The following PASD1 variants were observed in gnomAD, a reference collection of about 807,000 sequenced individuals.
PASD1 encodes the protein circadian clock protein PASD1.
In PASD1, 13 loss-of-function variants were observed where a neutral mutation model predicts 58.8. That is an observed-to-expected ratio of 0.22 (90% CI 0.14 to 0.35). PASD1 has a LOEUF of 0.35. PASD1 is among the 10% of genes least tolerant of loss of function. PASD1 has a pLI of 1.00. For synonymous variants in PASD1, 236 were observed against 216.7 expected (o/e 1.09, Z -0.78); for missense variants, 734 against 568.3 (o/e 1.29, Z -2.96).
At chrX:151,627,079 T>C (rs899328070) in intron 8 of PASD1, among the ~76,000 whole-genome samples, 3 of 111,907 alleles carry the variant, frequency 2.7e-5, no homozygotes, top group African/African-American at 6.5e-5. Flanking sequence ...AATTGTGTAA[T>C]TGTGTGTTGA....
chrX:151,671,060 T>A lies in PASD1; in HGVS notation c.1094T>A (p.Val365Asp), dbSNP rs1569417214. The change falls in exon 12 of 16, where the codon GTT becomes GAT. Residue 365 changes from valine (V) to aspartate (D), a missense_variant. Transcript: ENST00000370357. ...CAGCCATTACAGCCATCATCACCAGTTGCATATGACATCATTAGCCAGGAA... is the reference window on the plus strand; with the variant it reads ...CAGCCATTACAGCCATCATCACCAGATGCATATGACATCATTAGCCAGGAA... ...SAQPLQPSSP[V>D]AYDIISQELE... 1 of 1,211,257 alleles carries A rather than the reference T, an allele frequency of 8.3e-7. No individual in the cohort carries two copies. Among genetic ancestry groups the A allele is most frequent in the East Asian group, 3.0e-5 (1 of 33,825 alleles).
At position 151,627,209 on chromosome X, in the gene PASD1, T is replaced by C. The variant is rs2013799738; in HGVS notation, c.629+1679T>C. ...TATTTTTAAATTTTTATTTATTATT[T>C]ATTTATTTATTATACTTTAAGTTTT... On this transcript the variant is annotated intron_variant, in intron 8 of 15. Coordinates refer to ENST00000370357, the MANE Select transcript of PASD1 (RefSeq NM_173493.3). 2.7e-5 allele frequency among the ~76,000 whole-genome samples: 3 copies of C among 111,041 alleles called. 1 individual carries two copies. The South Asian group carries it at 1.1e-3, about 42-fold the overall frequency.
chrX:151,592,828 C>T (rs760173366), intron 1 of PASD1, among the ~76,000 whole-genome samples: 2 of 111,738 alleles, frequency 1.8e-5, no homozygotes, highest in East Asian at 2.8e-4. Flanking sequence ...AGATAATGTA[C>T]GTTCCATAGC....
At chrX:151,612,396 A>T (rs373995876) in intron 4 of PASD1, among the ~76,000 whole-genome samples, 47 of 108,390 alleles carry the variant, frequency 4.3e-4, no homozygotes, top group Middle Eastern at 4.6e-3. Flanking sequence ...CGCCACACTG[A>T]CTTCCACAAT....
intron 9 of PASD1, among the ~76,000 whole-genome samples, chrX:151,653,092 A>G (rs1057237570): frequency 2.7e-5 from 3 of 110,408 alleles, no homozygotes; most frequent in African/African-American, 9.9e-5. Context: ...AGCAGTCCAA[A>G]TGAGAGATGA....
chrX:151,567,030 GT>G (rs1192564755), intron 1 of PASD1, among the ~76,000 whole-genome samples: 1 of 103,878 alleles, frequency 9.6e-6, no homozygotes, highest in African/African-American at 3.5e-5. Context: ...GGCAACAAGA[GT>G]GAAACTCCGT....
At chrX:151,653,788 T>A (rs1038194691) in intron 9 of PASD1, among the ~76,000 whole-genome samples, 1 of 17,796 alleles carries the variant, frequency 5.6e-5, no homozygotes, top group South Asian at 4.1e-3. Flanking sequence ...CTTTCTTTCT[T>A]TCTTTCTTTC....
intron 1 of PASD1, among the ~76,000 whole-genome samples, chrX:151,574,552 A>T (rs759884551): frequency 1.8e-5 from 2 of 112,030 alleles, no homozygotes; most frequent in Non-Finnish European, 3.8e-5. Context: ...GAAAAAAATG[A>T]TGTACTTTGG....
At position 151,673,973 on chromosome X, in the gene PASD1, A is replaced by G. The variant is rs1270164855; in HGVS notation, c.1962A>G (p.Pro654=). The G allele has an allele frequency of 8.3e-7, 1 of 1,208,889 alleles. No individual in the cohort carries two copies. The part of the protein sequence containing the change: ...AYQGPPVNQL[P]LIDTSNSEAI... ...AAGGGCCCCCCGTGAACCAGCTGCC[A>G]TTGATAGATACCTCAAACTCTGAGG... Residue 654 remains proline (P), a synonymous_variant, in exon 15 of 16, where the codon CCA becomes CCG. Transcript: ENST00000370357.
In PASD1 at chrX:151,674,002, TTTC is replaced by T. The variant is rs1237235197; in HGVS notation, c.1998_2000del (p.Ser668del). ...ATAGATACCTCAAACTCTGAGGCAA[TTTC>T]TTCTTCCAGCATTCCTCAGTTTCCC... On this transcript the variant is annotated inframe_deletion, in exon 15 of 16. Coordinates refer to ENST00000370357, the MANE Select transcript of PASD1 (RefSeq NM_173493.3). 1 of 1,210,986 alleles carries T rather than the reference TTTC, an allele frequency of 8.3e-7. No homozygotes were observed. The highest frequency in any genetic ancestry group is 1.1e-6 in the Non-Finnish European group (1 of 894,758).
At chrX:151,666,842 C>T (rs1276405332) in intron 11 of PASD1, among the ~76,000 whole-genome samples, 9 of 106,012 alleles carry the variant, frequency 8.5e-5, no homozygotes, top group Non-Finnish European at 1.7e-4. Flanking sequence ...CCACAATAAA[C>T]ATCCGTGTGC....
chrX:151,591,969 A>G (rs1035984405), intron 1 of PASD1, among the ~76,000 whole-genome samples: 5 of 112,020 alleles, frequency 4.5e-5, no homozygotes, highest in Non-Finnish European at 1.9e-5. Flanking sequence ...CTCTTTTATC[A>G]TAAATCAAAT....
intron 7 of PASD1, 100 bp downstream of exon 7, chrX:151,623,164 A>G (rs2013740377): frequency 1.0e-6 from 1 of 984,681 alleles, no homozygotes. Context: ...CAACATTGCT[A>G]AATTACTCAG....
chrX:151,621,308 G>A (rs1193184936), intron 5 of PASD1, among the ~76,000 whole-genome samples, 174 bp from the exon 6 acceptor site: 2 of 111,265 alleles, frequency 1.8e-5, no homozygotes, highest in African/African-American at 6.5e-5. Context: ...TCTAGCTGGT[G>A]CCCTACTCTA....
At chrX:151,581,845 A>C (rs1461325708) in intron 1 of PASD1, among the ~76,000 whole-genome samples, 3 of 110,633 alleles carry the variant, frequency 2.7e-5, no homozygotes, top group Middle Eastern at 4.7e-3. Flanking sequence ...TCAATTTTGC[A>C]TAGCTCTCAG....
rs774176320 is a variant in PASD1, at chrX:151,578,352, C to G, written c.-28+14513C>G. ...GAAAGTTGTTGTTACCTGTATGATA[C>G]CATTTTATATATATGATCAATGGTA... On this transcript the variant is annotated intron_variant, in intron 1 of 15. Coordinates refer to ENST00000370357, the MANE Select transcript of PASD1 (RefSeq NM_173493.3). 2.7e-5 allele frequency: 3 copies of G among 112,245 alleles called. No homozygotes were observed. The East Asian group carries it at 8.4e-4, about 31-fold the overall frequency. The allele number at this position is 112,245 out of a possible 1,213,427, so 9.3% of individuals were successfully genotyped here. A position where few individuals can be genotyped will look rare whatever the true frequency, so the allele number is the denominator to read the frequency against.
intron 1 of PASD1, among the ~76,000 whole-genome samples, chrX:151,570,429 CT>C (rs1378113041): frequency 3.6e-5 from 4 of 111,829 alleles, no homozygotes; most frequent in African/African-American, 1.3e-4. Flanking sequence ...ATTTGGCACT[CT>C]TTAAAAAAGA....
At chrX:151,609,431 C>T (rs1018362202) in intron 3 of PASD1, among the ~76,000 whole-genome samples, 1 of 111,443 alleles carries the variant, frequency 9.0e-6, no homozygotes, top group African/African-American at 3.3e-5. Flanking sequence ...GAAAATCTTG[C>T]GTAACTGAAA....
intron 4 of PASD1, among the ~76,000 whole-genome samples, chrX:151,613,188 G>C (rs2013590216): frequency 9.0e-6 from 1 of 111,191 alleles, no homozygotes; most frequent in Non-Finnish European, 1.9e-5. Flanking sequence ...TCTCTGTTTT[G>C]GTACCAGTAC....
Sources: gnomAD v4.1 joint callset for allele counts (sites outside exome capture counted in the v4.1 genomes callset) on GRCh38, gnomAD v4.1.1 for gene constraint, MANE v1.5 for transcripts, NCBI Gene and HGNC (gene_info 2026-07-23, HGNC 2026-07-21) for gene names.